DXO: variants seen among roughly 807,000 people sequenced by gnomAD.
DXO encodes decapping and exoribonuclease protein.
In DXO, 42 loss-of-function variants were observed where a neutral mutation model predicts 39.8. The observed-to-expected ratio is 1.06, with a 90% CI of 0.83 to 1.37. DXO has a LOEUF of 1.37. DXO is among the 40% of genes most tolerant of loss of function. DXO has a pLI of 0.00. For synonymous variants in DXO, 193 were observed against 200.4 expected, an observed-to-expected ratio of 0.96 and a Z score of 0.31; for missense variants, 495 against 513.0, an observed-to-expected ratio of 0.96 and a Z score of 0.34.
Position 31,970,626 on chromosome 6 carries a change from G to T in DXO, c.792C>A (p.Gly264=), listed in dbSNP as rs192639720. 6.2e-7 allele frequency: 1 copy of T among 1,613,226 alleles called. No homozygotes were observed. The highest frequency in any genetic ancestry group is 1.3e-5 in the African/African-American group (1 of 74,998). ...TGAACCTGTAGAAACTCCTCCATTG[G>T]CCAGGGCTGTGCATCTCCTTGGAGG... is the stretch of plus-strand genomic sequence containing the variant. ...LKTSKEMHSP[G]QWRSFYRHKL... The change falls in exon 4 of 7, where the codon GGC becomes GGA. Residue 264 remains glycine (G), a synonymous_variant. Coordinates refer to ENST00000337523, the MANE Select transcript of DXO (RefSeq NM_005510.4). The surrounding 1 kb of genome is among the most constrained non-coding windows in gnomAD (Gnocchi z 4.0).
At position 31,971,473 on chromosome 6, in the gene DXO, C is replaced by G. The variant is rs768281949; in HGVS notation, c.203G>C (p.Arg68Pro). Reference sequence around the variant, plus strand: ...GTTAGTGGGGGGTGGGCTATAGTAGCGCAGGGCTCGGGCATCTCCATGGTA... The same window carrying G: ...GTTAGTGGGGGGTGGGCTATAGTAGGGCAGGGCTCGGGCATCTCCATGGTA... ...RQYHGDARAL[R>P]YYSPPPTNGP... The change falls in exon 2 of 7, where the codon CGC becomes CCC. Residue 68 changes from arginine (R) to proline (P), a missense_variant. Coordinates refer to ENST00000337523, the MANE Select transcript of DXO (RefSeq NM_005510.4). This position sits in a 1 kb window ranked among gnomAD's most constrained non-coding sequence, Gnocchi z 4.5. 1 of 1,614,022 alleles carries G rather than the reference C, an allele frequency of 6.2e-7. No individual in the cohort carries two copies.
chr6:31,970,561 A>G lies in DXO; in HGVS notation c.812+45T>C, dbSNP rs1773180398. On this transcript the variant is annotated intron_variant, in intron 4 of 6. Transcript: ENST00000337523. The surrounding 1 kb of genome is among the most constrained non-coding windows in gnomAD (Gnocchi z 4.0). ...ACCCTCCTCCCCAAGTCCCTTTCCC[A>G]GCCTTCAAGCCTAAGCTCTCGCCCT... 2 of 1,612,126 alleles carry G rather than the reference A, an allele frequency of 1.2e-6. No homozygotes were observed. Among genetic ancestry groups the G allele is most frequent in the Non-Finnish European group, 1.7e-6 (2 of 1,178,848 alleles).
At position 31,971,310 on chromosome 6, in the gene DXO, C is replaced by G; in HGVS notation, c.356+10G>C. On this transcript the variant is annotated intron_variant, in intron 2 of 6. Coordinates refer to ENST00000337523, the MANE Select transcript of DXO (RefSeq NM_005510.4). The surrounding 1 kb of genome is among the most constrained non-coding windows in gnomAD (Gnocchi z 4.5). ...GTCTCCAGATATACTGCCTACCACG[C>G]TTTGCTCACCCCTCCAACCGGCCTC... 1 of 1,538,126 alleles carries G rather than the reference C, an allele frequency of 6.5e-7. No homozygotes were observed.
In DXO at chr6:31,970,694, C is replaced by T. The variant is rs748415257; in HGVS notation, c.724G>A (p.Ala242Thr). Reference protein sequence around the residue: ...SGEVDCTDPQAPSTQPPTCYV... With the variant: ...SGEVDCTDPQTPSTQPPTCYV... ...CAGGTTGGGGGCTGTGTGGATGGGG[C>T]TTGGGGGTCTGTGCAGTCTACCTCC... The change falls in exon 4 of 7, where the codon GCC becomes ACC. Residue 242 changes from alanine to threonine, a missense_variant. Ala to Thr is a moderately conservative substitution (Grantham distance 58). Coordinates refer to ENST00000337523, the MANE Select transcript of DXO (RefSeq NM_005510.4). This position sits in a 1 kb window ranked among gnomAD's most constrained non-coding sequence, Gnocchi z 4.0. The T allele has an allele frequency of 1.2e-6, 2 of 1,612,916 alleles. No individual in the cohort carries two copies. The highest frequency in any genetic ancestry group is 1.1e-5 in the South Asian group (1 of 91,082).
Position 31,970,889 on chromosome 6 carries a change from GC to G in DXO, c.592+22del. 2 of 1,610,602 alleles carry G rather than the reference GC, an allele frequency of 1.2e-6. No individual in the cohort carries two copies. The highest frequency in any genetic ancestry group is 3.3e-5 in the Admixed American group (2 of 59,958). ...CTCAACCTCTGGGAAGGGGAAGGGG[GC>G]TATGAAGCAGGGGCAACTCACCTGC... On this transcript the variant is annotated intron_variant, in intron 3 of 6. Transcript: ENST00000337523. This position sits in a 1 kb window ranked among gnomAD's most constrained non-coding sequence, Gnocchi z 4.0.
rs1266755132 is a variant in DXO at position 31,971,009 on chromosome 6, C to T, written c.495G>A (p.Val165=). The change falls in exon 3 of 7, where the codon GTG becomes GTA. Residue 165 remains valine (V), a synonymous_variant. Coordinates refer to ENST00000337523, the MANE Select transcript of DXO (RefSeq NM_005510.4). The surrounding 1 kb of genome is among the most constrained non-coding windows in gnomAD (Gnocchi z 4.5). The part of the protein sequence containing the change: ...RFQGTLYLSE[V]ETPNARAQRL... ...TCTGGGCCCGAGCGTTCGGTGTCTC[C>T]ACTTCACTCAGGTATAGTGTTCCCT... 3.7e-6 allele frequency: 6 copies of T among 1,612,870 alleles called. No individual in the cohort carries two copies. Among genetic ancestry groups the T allele is most frequent in the Admixed American group, 1.7e-5 (1 of 60,010 alleles).
rs1249889775 is a variant in DXO at position 31,970,176 on chromosome 6, CAG to C, written c.974_975del (p.Ser325CysfsTer11). The C allele has an allele frequency of 2.5e-6, 4 of 1,613,766 alleles. No individual in the cohort carries two copies. The highest frequency in any genetic ancestry group is 1.1e-5 in the South Asian group (1 of 91,070). On this transcript the variant is annotated frameshift_variant, in exon 6 of 7. Coordinates refer to ENST00000337523, the MANE Select transcript of DXO (RefSeq NM_005510.4). LOFTEE classifies it high-confidence loss of function. The surrounding 1 kb of genome is among the most constrained non-coding windows in gnomAD (Gnocchi z 4.0). The part of the protein sequence containing the change: ...VRNDRDGWNP[S>X]VCMNFCAAFL... ...AAGGCGGCACAGAAGTTCATGCACA[CAG>C]AGGGATTCCAGCCGTCACGGTCATT...
At position 31,971,905 on chromosome 6, in the gene DXO, C is replaced by T; in HGVS notation, c.-7+24G>A. ...GCAGTGAGGTTAGGAAGGACGTCTG[C>T]GCTCAGATCAAGAATCCAGTTACCT... On this transcript the variant is annotated intron_variant, in intron 1 of 6. Transcript: ENST00000337523. This position sits in a 1 kb window ranked among gnomAD's most constrained non-coding sequence, Gnocchi z 4.5. 6.6e-7 allele frequency: 1 copy of T among 1,517,460 alleles called. No homozygotes were observed. The allele number at this position is 1,517,460 out of a possible 1,614,324, so 94.0% of individuals were successfully genotyped here. A position where few individuals can be genotyped will look rare whatever the true frequency, so the allele number is the denominator to read the frequency against.
At position 31,971,679 on chromosome 6, in the gene DXO, G is replaced by T. The variant is rs1239639615; in HGVS notation, c.-4C>A. 1.2e-6 allele frequency: 2 copies of T among 1,600,080 alleles called. No individual in the cohort carries two copies. The highest frequency in any genetic ancestry group is 2.2e-5 in the East Asian group (1 of 44,816). ...TCTTGGTCCCCCTGGGATCCATGAG[G>T]TCCTAAGACAAGCAGGGGTACAGAG... On this transcript the variant is annotated splice_region_variant and 5_prime_UTR_variant, in exon 2 of 7. Coordinates refer to ENST00000337523, the MANE Select transcript of DXO (RefSeq NM_005510.4). This position sits in a 1 kb window ranked among gnomAD's most constrained non-coding sequence, Gnocchi z 4.5.
Position 31,971,940 on chromosome 6 carries a change from C to A in DXO, c.-18G>T, listed in dbSNP as rs904511561. ...AAGAATCCAGTTACCTCAAAGCTCC[C>A]CAACTTCCACCTCCGCAGAGCTATG... On this transcript the variant is annotated 5_prime_UTR_variant, in exon 1 of 7. Coordinates refer to ENST00000337523, the MANE Select transcript of DXO (RefSeq NM_005510.4). This position sits in a 1 kb window ranked among gnomAD's most constrained non-coding sequence, Gnocchi z 4.5. 1.4e-4 allele frequency: 220 copies of A among 1,551,560 alleles called. No homozygotes were observed. Among genetic ancestry groups the A allele is most frequent in the Non-Finnish European group, 1.8e-4 (201 of 1,145,656 alleles).
In DXO at chr6:31,971,307, A is replaced by G. The variant is rs1484201248; in HGVS notation, c.356+13T>C. On this transcript the variant is annotated intron_variant, in intron 2 of 6. Transcript: ENST00000337523. This position sits in a 1 kb window ranked among gnomAD's most constrained non-coding sequence, Gnocchi z 4.5. ...CGGGTCTCCAGATATACTGCCTACC[A>G]CGCTTTGCTCACCCCTCCAACCGGC... The G allele has an allele frequency of 6.5e-7, 1 of 1,538,504 alleles. No individual in the cohort carries two copies. Among genetic ancestry groups the G allele is most frequent in the East Asian group, 2.3e-5 (1 of 44,242 alleles).
At position 31,970,033 on chromosome 6, in the gene DXO, C is replaced by T. The variant is rs543593156; in HGVS notation, c.1044-9G>A. On this transcript the variant is annotated splice_polypyrimidine_tract_variant and intron_variant, in intron 6 of 6. Coordinates refer to ENST00000337523, the MANE Select transcript of DXO (RefSeq NM_005510.4). The surrounding 1 kb of genome is among the most constrained non-coding windows in gnomAD (Gnocchi z 4.0). ...AGAAGAGATGAACGAGCCTGGGGGG[C>T]AGATGGAGGCATCAGTTGAGGGCCA... 2 of 1,613,826 alleles carry T rather than the reference C, an allele frequency of 1.2e-6. No homozygotes were observed. Among genetic ancestry groups the T allele is most frequent in the South Asian group, 2.2e-5 (2 of 91,052 alleles).
rs41267118 is a variant in DXO, at chr6:31,971,568, G to A, written c.108C>T (p.Tyr36=). The stretch of plus-strand genomic sequence containing the variant: ...GCCGGTAGAAAGGAAAGGGCCCAGA[G>A]TAGAGGGCAGGGTCTGTGGGCAGAG... The part of the protein sequence containing the change: ...APSLPTDPAL[Y]SGPFPFYRRP... The change falls in exon 2 of 7, where the codon TAC becomes TAT. Residue 36 remains tyrosine (Y), a synonymous_variant. Coordinates refer to ENST00000337523, the MANE Select transcript of DXO (RefSeq NM_005510.4). The surrounding 1 kb of genome is among the most constrained non-coding windows in gnomAD (Gnocchi z 4.5). 40,573 of 1,614,074 alleles carry A rather than the reference G, an allele frequency of 0.025. 883 individuals carry two copies. The highest frequency in any genetic ancestry group is 0.079 in the East Asian group (3,538 of 44,878).
chr6:31,971,067 T>C lies in DXO; in HGVS notation c.437A>G (p.Gln146Arg). Residue 146 changes from glutamine (Q) to arginine (R), a missense_variant, in exon 3 of 7, where the codon CAG becomes CGG. By Grantham distance (43) the Gln-to-Arg change is conservative. Transcript: ENST00000337523. This position sits in a 1 kb window ranked among gnomAD's most constrained non-coding sequence, Gnocchi z 4.5. The stretch of plus-strand genomic sequence containing the variant: ...GGAGGCTGCCAGCTGCCAGCCCTCC[T>C]GCCGCTCATACGGTGTCGTCAGCAG... The part of the protein sequence containing the change: ...TKLLTTPYER[Q>R]EGWQLAASRF... 1 of 1,612,960 alleles carries C rather than the reference T, an allele frequency of 6.2e-7. No homozygotes were observed. Among genetic ancestry groups the C allele is most frequent in the Non-Finnish European group, 8.5e-7 (1 of 1,180,008 alleles).
chr6:31,970,958 C>G lies in DXO; in HGVS notation c.546G>C (p.Arg182=). ...ATTTGTATCCCATGTACATAAGCTC[C>G]CGGAGGAGCGGTGGCCGAGCAAGCC... ...AQRLARPPLL[R]ELMYMGYKFE... is the part of the protein sequence containing the mutation. Residue 182 remains arginine, a synonymous_variant, in exon 3 of 7, where the codon CGG becomes CGC. Transcript: ENST00000337523. This position sits in a 1 kb window ranked among gnomAD's most constrained non-coding sequence, Gnocchi z 4.0. 1 of 1,613,034 alleles carries G rather than the reference C, an allele frequency of 6.2e-7. No individual in the cohort carries two copies. Among genetic ancestry groups the G allele is most frequent in the South Asian group, 1.1e-5 (1 of 91,076 alleles).
chr6:31,970,006 AG>A lies in DXO; in HGVS notation c.1061del (p.Ser354PhefsTer29), dbSNP rs763539409. 2 of 1,614,014 alleles carry A rather than the reference AG, an allele frequency of 1.2e-6. No individual in the cohort carries two copies. The highest frequency in any genetic ancestry group is 3.3e-5 in the Admixed American group (2 of 60,008). ...CGGTGACTGGGCCGCCAGGCTCCCA[AG>A]AGAAGAGATGAACGAGCCTGGGGGG... ...QDDPRLVHLF[S>X]WEPGGPVTVS... is the part of the protein sequence containing the mutation. On this transcript the variant is annotated frameshift_variant, in exon 7 of 7. Transcript: ENST00000337523. LOFTEE classifies it high-confidence loss of function. The surrounding 1 kb of genome is among the most constrained non-coding windows in gnomAD (Gnocchi z 4.0).
At position 31,971,215 on chromosome 6, in the gene DXO, A is replaced by T; in HGVS notation, c.357-68T>A. ...TAGTGAGATGCTCCCCTCGAAGAAT[A>T]GTCTTGTTTCTTCTAAGGACTGATT... On this transcript the variant is annotated intron_variant, in intron 2 of 6. Transcript: ENST00000337523. This position sits in a 1 kb window ranked among gnomAD's most constrained non-coding sequence, Gnocchi z 4.5. 1.9e-6 allele frequency: 3 copies of T among 1,573,146 alleles called. No homozygotes were observed. Among genetic ancestry groups the T allele is most frequent in the Non-Finnish European group, 2.6e-6 (3 of 1,156,786 alleles).
chr6:31,970,716 C>T lies in DXO; in HGVS notation c.702G>A (p.Glu234=). 6.2e-7 allele frequency: 1 copy of T among 1,612,946 alleles called. No individual in the cohort carries two copies. Among genetic ancestry groups the T allele is most frequent in the Non-Finnish European group, 8.5e-7 (1 of 1,180,022 alleles). ...LGSHPLLFSG[E]VDCTDPQAPS... is the part of the protein sequence containing the mutation. ...GGGCTTGGGGGTCTGTGCAGTCTAC[C>T]TCCCCTGAGAAGAGCAGAGGGTGGC... Residue 234 remains glutamate, a synonymous_variant, in exon 4 of 7, where the codon GAG becomes GAA. Transcript: ENST00000337523. The surrounding 1 kb of genome is among the most constrained non-coding windows in gnomAD (Gnocchi z 4.0).
Position 31,970,250 on chromosome 6 carries a change from GGGA to G in DXO, c.949-50_949-48del. 1.2e-6 allele frequency: 2 copies of G among 1,614,006 alleles called. No individual in the cohort carries two copies. Among genetic ancestry groups the G allele is most frequent in the Non-Finnish European group, 1.7e-6 (2 of 1,179,926 alleles). On this transcript the variant is annotated intron_variant, in intron 5 of 6. Coordinates refer to ENST00000337523, the MANE Select transcript of DXO (RefSeq NM_005510.4). The surrounding 1 kb of genome is among the most constrained non-coding windows in gnomAD (Gnocchi z 4.0). ...GCAGAAGATGGGCAGTGGGGGTGGT[GGGA>G]GGAGAGAAGGCAGGCTGTTGCCCTG... is the stretch of plus-strand genomic sequence containing the variant.
Sources: gnomAD v4.1 joint callset for allele counts on GRCh38, gnomAD v4.1.1 for gene constraint, Gnocchi (gnomAD v3.1) non-coding constraint, MANE v1.5 for transcripts, NCBI Gene and HGNC (gene_info 2026-07-23, HGNC 2026-07-21) for gene names.